The following SGCD variants were observed in gnomAD, a reference collection of about 807,000 sequenced individuals.
The protein encoded by SGCD is sarcoglycan delta, also known as delta-sarcoglycan.
Under a neutral mutation model 36.6 loss-of-function variants are expected in SGCD, and 18 were observed. That is an observed-to-expected ratio of 0.49 (90% CI 0.34 to 0.73). The LOEUF is 0.73. Among genes scored for constraint, SGCD ranks in the 30% least tolerant of loss-of-function variants. The pLI is 0.01. For synonymous variants in SGCD, 133 were observed against 130.6 expected (o/e 1.02, Z -0.12); for missense variants, 387 against 346.7 (o/e 1.12, Z -0.92).
At chr5:156,493,202 T>C in intron 3 of SGCD, among the ~76,000 whole-genome samples, 1 of 152,190 alleles carries the variant, frequency 6.6e-6, no homozygotes, top group East Asian at 1.9e-4. Flanking sequence ...GGAGAATGGC[T>C]GAATCAAGCT....
intron 8 of SGCD, 92 bp downstream of exon 8, chr5:156,757,796 A>T: frequency 1.4e-6 from 2 of 1,470,120 alleles, no homozygotes; most frequent in African/African-American, 2.8e-5. Context: ...TGGATCCTAC[A>T]GTGTATCAAC....
chr5:156,192,986 C>G (rs550377703), intron 3 of SGCD, among the ~76,000 whole-genome samples: 6 of 151,368 alleles, frequency 4.0e-5, no homozygotes, highest in Non-Finnish European at 8.8e-5. Context: ...AAATGTGATT[C>G]ATGGACACCG....
At chr5:156,517,792 G>A (rs1757242223) in intron 4 of SGCD, among the ~76,000 whole-genome samples, 1 of 152,184 alleles carries the variant, frequency 6.6e-6, no homozygotes, top group South Asian at 2.1e-4. Context: ...AGCAGATGCT[G>A]AGGGAATTTG....
intron 4 of SGCD, among the ~76,000 whole-genome samples, chr5:156,548,917 T>C (rs185339635): frequency 2.7e-3 from 416 of 152,306 alleles, no homozygotes; most frequent in Non-Finnish European, 3.9e-3. Context: ...TAAAATACCC[T>C]GTCTCCAGGT....
intron 3 of SGCD, among the ~76,000 whole-genome samples, chr5:156,432,767 C>T (rs1354814437): frequency 6.6e-6 from 1 of 152,142 alleles, no homozygotes; most frequent in Non-Finnish European, 1.5e-5. Flanking sequence ...TGATAGGTCC[C>T]ACCTAGCTCC....
At chr5:155,993,717 C>A (rs1758482438) in intron 1 of SGCD, among the ~76,000 whole-genome samples, 1 of 152,102 alleles carries the variant, frequency 6.6e-6, no homozygotes, top group Admixed American at 6.6e-5. Flanking sequence ...ATCTGTTGGT[C>A]AGAATATCTT....
chr5:155,921,290 GA>G (rs1756872597), intron 1 of SGCD, among the ~76,000 whole-genome samples: 2 of 152,164 alleles, frequency 1.3e-5, no homozygotes, highest in Admixed American at 1.3e-4. Context: ...TCTGGAGGCA[GA>G]ACCAGATTTT....
intron 3 of SGCD, among the ~76,000 whole-genome samples, chr5:156,357,669 T>A (rs59078889): frequency 1.3e-5 from 2 of 152,226 alleles, no homozygotes; most frequent in African/African-American, 4.8e-5. Flanking sequence ...CTCAGTTACA[T>A]GTAAACTGCT....
chr5:156,080,896 C>A (rs1760932592), intron 1 of SGCD, among the ~76,000 whole-genome samples: 2 of 152,164 alleles, frequency 1.3e-5, no homozygotes, highest in Admixed American at 1.3e-4. Flanking sequence ...TGCCTGTTAC[C>A]CAGTTCCAAA....
chr5:155,820,725 T>C, the SGCD span, among the ~76,000 whole-genome samples: 1 of 152,008 alleles, frequency 6.6e-6, no homozygotes, highest in Non-Finnish European at 1.5e-5. Flanking sequence ...AATAAAATAC[T>C]GTATGTGACT....
chr5:156,196,855 G>A lies in SGCD; in HGVS notation c.-44+72836G>A, dbSNP rs1360176238. ...AGCACACTAAACTATGGCCAGAATTGTTTCTTGTACTTAACGCATCCATAC... is the reference window on the plus strand; with the variant it reads ...AGCACACTAAACTATGGCCAGAATTATTTCTTGTACTTAACGCATCCATAC... On this transcript the variant is annotated intron_variant, in intron 3 of 9. Transcript: ENST00000517913. Among the ~76,000 whole-genome samples, 3 of 152,122 alleles carry A rather than the reference G, an allele frequency of 2.0e-5. No homozygotes were observed. In the East Asian group the frequency reaches 5.8e-4, roughly 29 times the overall value.
chr5:156,681,125 T>C (rs927048806), intron 7 of SGCD, among the ~76,000 whole-genome samples: 49 of 152,268 alleles, frequency 3.2e-4, no homozygotes, highest in African/African-American at 8.7e-4. Context: ...GGGATCAGGG[T>C]GGCAGCCACT....
chr5:156,502,969 G>A (rs1756521242), intron 3 of SGCD, among the ~76,000 whole-genome samples: 2 of 152,184 alleles, frequency 1.3e-5, no homozygotes, highest in African/African-American at 4.8e-5. Context: ...GGCAGACCGA[G>A]AGACAGGGAA....
intron 1 of SGCD, among the ~76,000 whole-genome samples, chr5:155,964,774 AATT>A (rs1757869827): frequency 6.6e-6 from 1 of 152,122 alleles, no homozygotes; most frequent in South Asian, 2.1e-4. Context: ...GAGGCCAGGC[AATT>A]ACCCTACATT....
chr5:156,609,098 T>C (rs1431156543), intron 6 of SGCD, among the ~76,000 whole-genome samples: 6 of 152,162 alleles, frequency 3.9e-5, no homozygotes, highest in African/African-American at 1.2e-4. Context: ...TGATGTTAGC[T>C]GGTTATTTTG....
chr5:156,551,419 A>G (rs188901460), intron 4 of SGCD, among the ~76,000 whole-genome samples: 11 of 152,098 alleles, frequency 7.2e-5, no homozygotes, highest in African/African-American at 2.7e-4. Context: ...TCCTATGATC[A>G]TCCATATTCT....
At chr5:155,893,393 A>G (rs1180046919) in intron 1 of SGCD, among the ~76,000 whole-genome samples, 1 of 152,246 alleles carries the variant, frequency 6.6e-6, no homozygotes, top group Non-Finnish European at 1.5e-5. Context: ...GAACACTAAC[A>G]TATAGAATAG....
At chr5:156,494,577 C>T (rs575602795) in intron 3 of SGCD, among the ~76,000 whole-genome samples, 1 of 152,086 alleles carries the variant, frequency 6.6e-6, no homozygotes, top group South Asian at 2.1e-4. Context: ...AGTTTGTTTC[C>T]AAACTTTCAC....
chr5:156,511,868 TAA>T (rs1298112024), intron 4 of SGCD, among the ~76,000 whole-genome samples: 1 of 152,172 alleles, frequency 6.6e-6, no homozygotes, highest in African/African-American at 2.4e-5. Flanking sequence ...AAGTGTCTCT[TAA>T]GTCTATTCTG....
Sources: gnomAD v4.1 joint callset for allele counts (sites outside exome capture counted in the v4.1 genomes callset) on GRCh38, gnomAD v4.1.1 for gene constraint, MANE v1.5 for transcripts, NCBI Gene and HGNC (gene_info 2026-07-23, HGNC 2026-07-21) for gene names.